The following METRN variants were observed in gnomAD, a reference collection of about 807,000 sequenced individuals.
METRN encodes meteorin, glial cell differentiation regulator.
Under a neutral mutation model 17.4 loss-of-function variants are expected in METRN, and 17 were observed. The observed-to-expected ratio is 0.98, with a 90% CI of 0.67 to 1.46. The LOEUF is 1.46. Ranked by LOEUF, METRN falls within the 40% of genes most tolerant of loss-of-function variation. The probability of loss-of-function intolerance (pLI) is 0.00; values close to 1 mark genes in which losing one functional copy is unlikely to be tolerated. For synonymous variants in METRN, 230 were observed against 210.8 expected (o/e 1.09, Z -0.79); for missense variants, 489 against 456.2 (o/e 1.07, Z -0.65).
At position 717,359 on chromosome 16, in the gene METRN, TC is replaced by T; in HGVS notation, c.856del (p.His286ThrfsTer29). On this transcript the variant is annotated frameshift_variant, in exon 4 of 4. Coordinates refer to ENST00000568223, the MANE Select transcript of METRN (RefSeq NM_024042.4). LOFTEE classifies it high-confidence loss of function. ...RAYEAARAAH[L>X]HPCEVALH ...TACGAGGCTGCCCGTGCTGCCCACC[TC>T]CACCCCTGCGAGGTGGCGCTGCACT... is the stretch of plus-strand genomic sequence containing the variant. 7.3e-7 allele frequency: 1 copy of T among 1,364,606 alleles called. No homozygotes were observed. 84.5% of individuals were successfully genotyped at this position (1,364,606 alleles called of 1,614,324 possible).
At chr16:716,278 G>T in intron 2 of METRN, 1 of 1,377,792 alleles carries the variant, frequency 7.3e-7, no homozygotes, top group Non-Finnish European at 9.3e-7. Flanking sequence ...AGATGGTGGG[G>T]ACAGAATCGA....
intron 2 of METRN, 141 bp downstream of exon 2, chr16:716,125 G>T: frequency 7.4e-7 from 1 of 1,351,096 alleles, no homozygotes. Context: ...AGGCCACACA[G>T]CCTGGGACTG....
chr16:717,402 G>T lies in METRN; in HGVS notation c.*15G>T. The T allele has an allele frequency of 7.1e-7, 1 of 1,414,888 alleles. No individual in the cohort carries two copies. Among genetic ancestry groups the T allele is most frequent in the South Asian group, 1.6e-5 (1 of 63,826 alleles). 87.6% of individuals were successfully genotyped at this position (1,414,888 alleles called of 1,614,324 possible). A position where few individuals can be genotyped will look rare whatever the true frequency, so the allele number is the denominator to read the frequency against. On this transcript the variant is annotated 3_prime_UTR_variant, in exon 4 of 4. Coordinates refer to ENST00000568223, the MANE Select transcript of METRN (RefSeq NM_024042.4). ...CGCTGCACTGAGGGGCTGGGTGCTG[G>T]GGAGGGGCTGGTAGGAGGGAGGGTG...
chr16:716,500 G>A, intron 2 of METRN: 1 of 1,495,282 alleles, frequency 6.7e-7, no homozygotes. Flanking sequence ...TCTGCCCCCT[G>A]GCCCTGGGCC....
Position 717,079 on chromosome 16 carries a change from G to A in METRN, c.574G>A (p.Gly192Arg), listed in dbSNP as rs748963106. Reference sequence around the variant, plus strand: ...CACATGCCTCCCCACAGTAATTCACGGGATCATCCATGGGGTCACCCATGA... The same window carrying A: ...CACATGCCTCCCCACAGTAATTCACAGGATCATCCATGGGGTCACCCATGA... ...AACTSDFVIH[G>R]IIHGVTHDVE... The change falls in exon 4 of 4, where the codon GGG becomes AGG. Residue 192 changes from glycine (G) to arginine (R), a missense_variant. Transcript: ENST00000568223. The A allele has an allele frequency of 5.0e-6, 8 of 1,610,840 alleles. No individual in the cohort carries two copies. The highest frequency in any genetic ancestry group is 4.5e-5 in the East Asian group (2 of 44,850).
At position 717,240 on chromosome 16, in the gene METRN, C is replaced by G. The variant is rs1001158385; in HGVS notation, c.735C>G (p.His245Gln). The G allele has an allele frequency of 1.9e-6, 3 of 1,577,012 alleles. No individual in the cohort carries two copies. The highest frequency in any genetic ancestry group is 2.7e-5 in the African/African-American group (2 of 74,218). ...SIRTPLRCGV[H>Q]PGPGTFLFMG... is the part of the protein sequence containing the mutation. ...GTACCCCACTGCGCTGTGGCGTCCA[C>G]CCGGGCCCAGGCACCTTCCTCTTCA... Residue 245 changes from histidine (H) to glutamine (Q), a missense_variant, in exon 4 of 4, where the codon CAC becomes CAG. Transcript: ENST00000568223.
rs911251410 is a variant in METRN at position 717,511 on chromosome 16, C to T, written c.*124C>T. On this transcript the variant is annotated 3_prime_UTR_variant, in exon 4 of 4. Coordinates refer to ENST00000568223, the MANE Select transcript of METRN (RefSeq NM_024042.4). ...TGTGGACCTGGTCTCCTGTGTCCAG[C>T]CCAGCCTTGGGCCTGCCTCGCAGCT... 1.0e-6 allele frequency: 1 copy of T among 981,440 alleles called. No individual in the cohort carries two copies. The highest frequency in any genetic ancestry group is 1.4e-6 in the Non-Finnish European group (1 of 729,094). 60.8% of individuals were successfully genotyped at this position (981,440 alleles called of 1,614,324 possible).
In METRN at chr16:717,500, C is replaced by T; in HGVS notation, c.*113C>T. The T allele has an allele frequency of 9.3e-7, 1 of 1,073,090 alleles. No homozygotes were observed. Among genetic ancestry groups the T allele is most frequent in the African/African-American group, 1.6e-5 (1 of 60,974 alleles). The allele number at this position is 1,073,090 out of a possible 1,614,324, so 66.5% of individuals were successfully genotyped here. On this transcript the variant is annotated 3_prime_UTR_variant, in exon 4 of 4. Transcript: ENST00000568223. ...ACGCAAGCTGCTGTGGACCTGGTCT[C>T]CTGTGTCCAGCCCAGCCTTGGGCCT...
In METRN at chr16:715,144, C is replaced by G. The variant is rs1480938450; in HGVS notation, c.-146C>G. 5.8e-6 allele frequency: 1 copy of G among 172,132 alleles called. No individual in the cohort carries two copies. Among genetic ancestry groups the G allele is most frequent in the Admixed American group, 6.7e-5 (1 of 14,950 alleles). The allele number at this position is 172,132 out of a possible 1,614,324, so 10.7% of individuals were successfully genotyped here. On this transcript the variant is annotated 5_prime_UTR_variant, in exon 1 of 4. Coordinates refer to ENST00000568223, the MANE Select transcript of METRN (RefSeq NM_024042.4). ...AGGCGGCCCCGGCGCTGGGGCTGCG[C>G]GGCAGGCGGAGCGGCCGCGGGCTTG...
In METRN at chr16:718,937, C is replaced by G. The variant is rs1306883223; in HGVS notation, c.*1550C>G. On this transcript the variant is annotated 3_prime_UTR_variant, in exon 4 of 4. Coordinates refer to ENST00000568223, the MANE Select transcript of METRN (RefSeq NM_024042.4). Reference sequence around the variant, plus strand: ...CATCCATCTGCCCCCAGCCCAAACACTTCTGCAAACACTAGAAAAGGAGGT... The same window carrying G: ...CATCCATCTGCCCCCAGCCCAAACAGTTCTGCAAACACTAGAAAAGGAGGT... 6.6e-6 allele frequency: 1 copy of G among 152,388 alleles called. No individual in the cohort carries two copies. Among genetic ancestry groups the G allele is most frequent in the Admixed American group, 6.5e-5 (1 of 15,284 alleles). 9.4% of individuals were successfully genotyped at this position (152,388 alleles called of 1,614,324 possible).
chr16:717,426 T>TGG lies in METRN; in HGVS notation c.*41_*42dup, dbSNP rs5815052. On this transcript the variant is annotated 3_prime_UTR_variant, in exon 4 of 4. Transcript: ENST00000568223. ...GGGGAGGGGCTGGTAGGAGGGAGGGTGGGCCCACTGCTTTGGAGGTGATGG... is the reference window on the plus strand; with the variant it reads ...GGGGAGGGGCTGGTAGGAGGGAGGGTGGGGGCCCACTGCTTTGGAGGTGATGG... The TGG allele has an allele frequency of 3.2e-4, 357 of 1,128,088 alleles. 3 individuals carry two copies. The African/African-American group carries it at 4.6e-3, about 15-fold the overall frequency. 69.9% of individuals were successfully genotyped at this position (1,128,088 alleles called of 1,614,324 possible).
At position 716,004 on chromosome 16, in the gene METRN, G is replaced by C. The variant is rs1051433263; in HGVS notation, c.505+20G>C. The C allele has an allele frequency of 1.4e-6, 2 of 1,448,064 alleles. No individual in the cohort carries two copies. Among genetic ancestry groups the C allele is most frequent in the Non-Finnish European group, 1.8e-6 (2 of 1,106,166 alleles). 89.7% of individuals were successfully genotyped at this position (1,448,064 alleles called of 1,614,324 possible). On this transcript the variant is annotated intron_variant, in intron 2 of 3. Transcript: ENST00000568223. ...TAGACGGTGAGTGGCGGTCTGGTTG[G>C]GACAGGGTGGGAGTCCCGAAGTCTT...
chr16:717,479 A>C lies in METRN; in HGVS notation c.*92A>C. ...CTATCAATAAGAACTCTGTTCACGC[A>C]AGCTGCTGTGGACCTGGTCTCCTGT... On this transcript the variant is annotated 3_prime_UTR_variant, in exon 4 of 4. Transcript: ENST00000568223. 8.2e-7 allele frequency: 1 copy of C among 1,212,500 alleles called. No homozygotes were observed. Among genetic ancestry groups the C allele is most frequent in the Non-Finnish European group, 1.1e-6 (1 of 928,528 alleles). 75.1% of individuals were successfully genotyped at this position (1,212,500 alleles called of 1,614,324 possible).
chr16:717,137 T>C lies in METRN; in HGVS notation c.632T>C (p.Val211Ala). 6.2e-7 allele frequency: 1 copy of C among 1,601,946 alleles called. No homozygotes were observed. The highest frequency in any genetic ancestry group is 2.2e-5 in the East Asian group (1 of 44,648). The stretch of plus-strand genomic sequence containing the variant: ...CTGCAGGAGTCTGTCATCACTGTGG[T>C]GGCCGCCCGTGTCCTCCGCCAGACA... ...VELQESVITV[V>A]AARVLRQTPP... Residue 211 changes from valine (V) to alanine (A), a missense_variant, in exon 4 of 4, where the codon GTG (valine) becomes GCG (alanine). Transcript: ENST00000568223.
Position 717,302 on chromosome 16 carries a change from G to C in METRN, c.797G>C (p.Cys266Ser). 6.6e-7 allele frequency: 1 copy of C among 1,524,880 alleles called. No individual in the cohort carries two copies. Among genetic ancestry groups the C allele is most frequent in the Non-Finnish European group, 8.8e-7 (1 of 1,137,972 alleles). 94.5% of individuals were successfully genotyped at this position (1,524,880 alleles called of 1,614,324 possible). A position where few individuals can be genotyped will look rare whatever the true frequency, so the allele number is the denominator to read the frequency against. The stretch of plus-strand genomic sequence containing the variant: ...CGCTTTGGGGAGGCCCGGCTGGGCT[G>C]TGCCCCACGATTCCAGGAGTTCCGC... ...WSRFGEARLG[C>S]APRFQEFRRA... The change falls in exon 4 of 4, where the codon TGT becomes TCT. Residue 266 changes from cysteine to serine, a missense_variant. Physicochemically the swap from Cys to Ser is moderately radical, Grantham distance 112. Coordinates refer to ENST00000568223, the MANE Select transcript of METRN (RefSeq NM_024042.4).
rs1172586083 is a variant in METRN at position 715,894 on chromosome 16, A to G, written c.415A>G (p.Ile139Val). 2.0e-6 allele frequency: 3 copies of G among 1,464,786 alleles called. No homozygotes were observed. The South Asian group carries it at 3.9e-5, about 19-fold the overall frequency. The allele number at this position is 1,464,786 out of a possible 1,614,324, so 90.7% of individuals were successfully genotyped here. Residue 139 changes from isoleucine to valine, a missense_variant, in exon 2 of 4, where the codon ATC (isoleucine) becomes GTC (valine). By Grantham distance (29) the Ile-to-Val change is conservative (BLOSUM62 3). Transcript: ENST00000568223. ...CCTGCAGGCCACGCCGCACCAGGAC[A>G]TCAGCCGCCGCGTGGCCGCCTTCCG... is the stretch of plus-strand genomic sequence containing the variant. ...LFLQATPHQDISRRVAAFRFE... is the reference protein window; with the variant it reads ...LFLQATPHQDVSRRVAAFRFE...
At position 716,964 on chromosome 16, in the gene METRN, G is replaced by A. The variant is rs1382692605; in HGVS notation, c.537G>A (p.Leu179=). Residue 179 remains leucine, a synonymous_variant, in exon 3 of 4, where the codon CTG becomes CTA. Coordinates refer to ENST00000568223, the MANE Select transcript of METRN (RefSeq NM_024042.4). Reference sequence around the variant, plus strand: ...GCAGGCCCTGCAGCGACGCTGAGCTGCTCCTGGCCGCATGCACCAGCGACT... The same window carrying A: ...GCAGGCCCTGCAGCGACGCTGAGCTACTCCTGGCCGCATGCACCAGCGACT... ...GACRPCSDAE[L]LLAACTSDFV... The A allele has an allele frequency of 6.3e-7, 1 of 1,596,448 alleles. No individual in the cohort carries two copies. The highest frequency in any genetic ancestry group is 8.5e-7 in the Non-Finnish European group (1 of 1,170,606).
Position 715,213 on chromosome 16 carries a change from C to A in METRN, c.-77C>A. ...GGCGGCCGGCGCCCCCGGCTGCTCC[C>A]GCCGCCGCCCGGACCCGCGCCCCGC... On this transcript the variant is annotated 5_prime_UTR_variant, in exon 1 of 4. Transcript: ENST00000568223. 1.4e-6 allele frequency: 1 copy of A among 735,608 alleles called. No homozygotes were observed. Among genetic ancestry groups the A allele is most frequent in the Non-Finnish European group, 1.7e-6 (1 of 598,582 alleles). 45.6% of individuals were successfully genotyped at this position (735,608 alleles called of 1,614,324 possible).
intron 2 of METRN, chr16:716,264 GAA>G (rs1369163654): frequency 2.0e-6 from 2 of 985,340 alleles, no homozygotes; most frequent in African/African-American, 3.5e-5. Context: ...ACGGTTGGGG[GAA>G]GAGATGGTGG....
Sources: gnomAD v4.1 joint callset for allele counts on GRCh38, gnomAD v4.1.1 for gene constraint, MANE v1.5 for transcripts, NCBI Gene and HGNC (gene_info 2026-07-23, HGNC 2026-07-21) for gene names.